Variants in ANP32B observed in about 807,000 individuals in gnomAD.
The protein encoded by ANP32B is acidic nuclear phosphoprotein 32 family member B.
ANP32B carries 6 observed loss-of-function variants against 32.2 expected under a neutral mutation model. The ratio of observed to expected loss-of-function variants is 0.19; its 90% CI spans 0.10 to 0.37. The LOEUF (loss-of-function observed/expected upper bound fraction) is 0.37, where lower values mean the gene tolerates loss of function less well. Ranked by LOEUF, ANP32B falls within the 10% of genes least tolerant of loss-of-function variation. The pLI is 1.00. For synonymous variants in ANP32B, 98 were observed against 105.8 expected (o/e 0.93, Z 0.45); for missense variants, 204 against 289.2 (o/e 0.71, Z 2.14).
intron 2 of ANP32B, among the ~76,000 whole-genome samples, chr9:97,996,768 AT>A (rs879427925): frequency 6.3e-4 from 91 of 144,072 alleles, no homozygotes; most frequent in Admixed American, 7.6e-4. Context: ...TACTTTTTGT[AT>A]TTTTTTTTTT....
chr9:97,998,789 T>C lies in ANP32B; in HGVS notation c.327+111T>C, dbSNP rs1311919022. 2.2e-4 allele frequency: 5 copies of C among 22,980 alleles called. 1 individual carries two copies. Among genetic ancestry groups the C allele is most frequent in the East Asian group, 5.3e-4 (1 of 1,890 alleles). 1.4% of individuals were successfully genotyped at this position (22,980 alleles called of 1,614,324 possible). ...AATAATTGGTTGAGAAAGTGGTGGCTTTTTTTTTTTTTTTTTTTTTTTTTT... is the reference window on the plus strand; with the variant it reads ...AATAATTGGTTGAGAAAGTGGTGGCCTTTTTTTTTTTTTTTTTTTTTTTTT... On this transcript the variant is annotated intron_variant, in intron 3 of 6. Coordinates refer to ENST00000339399, the MANE Select transcript of ANP32B (RefSeq NM_006401.3).
chr9:98,015,711 T>A lies in ANP32B; in HGVS notation c.*280T>A. 1.9e-6 allele frequency: 2 copies of A among 1,072,990 alleles called. No homozygotes were observed. Among genetic ancestry groups the A allele is most frequent in the Non-Finnish European group, 2.3e-6 (2 of 884,270 alleles). 66.5% of individuals were successfully genotyped at this position (1,072,990 alleles called of 1,614,324 possible). On this transcript the variant is annotated 3_prime_UTR_variant, in exon 7 of 7. Transcript: ENST00000339399. ...TTGCTGTAGCGTGGATAGCTGTGAT[T>A]GGTGAGTCAACCGTCTGTGGCTACC...
intron 1 of ANP32B, among the ~76,000 whole-genome samples, chr9:97,989,461 C>T (rs1159944033): frequency 1.3e-5 from 2 of 151,826 alleles, no homozygotes; most frequent in Admixed American, 6.6e-5. Flanking sequence ...TGAATTTGGC[C>T]CCAAAAGTTA....
intron 3 of ANP32B, among the ~76,000 whole-genome samples, chr9:98,000,586 G>T (rs1827973479): frequency 6.6e-6 from 1 of 152,112 alleles, no homozygotes; most frequent in Admixed American, 6.6e-5. Flanking sequence ...TGAGTTTAGA[G>T]AATGTAGATA....
In ANP32B at chr9:98,015,484, A is replaced by G. The variant is rs1828260976; in HGVS notation, c.*53A>G. On this transcript the variant is annotated 3_prime_UTR_variant, in exon 7 of 7. Transcript: ENST00000339399. Reference sequence around the variant, plus strand: ...CTGTTCAGTATTGGTTGGACTGCTCATGGATTTTGTAGCTGTTTAAAAAAA... The same window carrying G: ...CTGTTCAGTATTGGTTGGACTGCTCGTGGATTTTGTAGCTGTTTAAAAAAA... 3.3e-6 allele frequency: 5 copies of G among 1,526,376 alleles called. No homozygotes were observed. The highest frequency in any genetic ancestry group is 2.5e-5 in the South Asian group (2 of 79,816). The allele number at this position is 1,526,376 out of a possible 1,614,324, so 94.6% of individuals were successfully genotyped here.
chr9:98,005,172 T>G lies in ANP32B; in HGVS notation c.517+19T>G. The stretch of plus-strand genomic sequence containing the variant: ...GACGAAGGTGAGTAGGCTCAGCATC[T>G]GGTGAACCTGATGTCTGCCTTTCAA... On this transcript the variant is annotated intron_variant, in intron 4 of 6. Transcript: ENST00000339399. 6.2e-7 allele frequency: 1 copy of G among 1,607,400 alleles called. No homozygotes were observed. The highest frequency in any genetic ancestry group is 8.5e-7 in the Non-Finnish European group (1 of 1,176,472).
At position 97,983,502 on chromosome 9, in the gene ANP32B, C is replaced by G; in HGVS notation, c.-54C>G. On this transcript the variant is annotated 5_prime_UTR_variant, in exon 1 of 7. Transcript: ENST00000339399. ...GCTGCGCAAGCCGGGACGCCTCTCC[C>G]CCCTCCGCCCCCGCCGCGGAAAGTT... 2.0e-6 allele frequency: 3 copies of G among 1,482,836 alleles called. No individual in the cohort carries two copies. Among genetic ancestry groups the G allele is most frequent in the Non-Finnish European group, 2.7e-6 (3 of 1,093,840 alleles). 91.9% of individuals were successfully genotyped at this position (1,482,836 alleles called of 1,614,324 possible). A position where few individuals can be genotyped will look rare whatever the true frequency, so the allele number is the denominator to read the frequency against.
chr9:98,001,247 A>G (rs1246200576), intron 3 of ANP32B, among the ~76,000 whole-genome samples: 1 of 146,042 alleles, frequency 6.8e-6, no homozygotes, highest in Non-Finnish European at 1.5e-5. Flanking sequence ...GCTGGAGTGC[A>G]GTGGCGCCAT....
At chr9:98,011,200 C>A in intron 4 of ANP32B, 71 bp from the exon 5 acceptor site, 2 of 1,506,720 alleles carry the variant, frequency 1.3e-6, no homozygotes, top group South Asian at 1.3e-5. Context: ...AGCCAGCCCA[C>A]AGATCCTCAA....
In ANP32B at chr9:97,989,131, TGACCTAGACTCATCATAACTTAAA is replaced by T; in HGVS notation, c.55-5497_55-5474del. Among the ~76,000 whole-genome samples the T allele has an allele frequency of 1.3e-5, 2 of 152,326 alleles. 1 individual carries two copies. Among genetic ancestry groups the T allele is most frequent in the South Asian group, 4.1e-4 (2 of 4,830 alleles). ...GCTCCAATCCCCAGGGATATTCCCA[TGACCTAGACTCATCATAACTTAAA>T]GAAGGACCTCATAGGCATTTTGCCA... is the stretch of plus-strand genomic sequence containing the variant. On this transcript the variant is annotated intron_variant, in intron 1 of 6. Transcript: ENST00000339399.
intron 4 of ANP32B, among the ~76,000 whole-genome samples, chr9:98,008,687 A>G (rs184534235): frequency 6.6e-6 from 1 of 152,296 alleles, no homozygotes; most frequent in Non-Finnish European, 1.5e-5. Flanking sequence ...TACTGGACAT[A>G]AGCAGCACAC....
At chr9:98,004,240 T>C (rs990152455) in intron 3 of ANP32B, among the ~76,000 whole-genome samples, 9 of 152,172 alleles carry the variant, frequency 5.9e-5, no homozygotes, top group Non-Finnish European at 5.9e-5. Flanking sequence ...AAATGAGGTA[T>C]TGCAACAAAA....
intron 2 of ANP32B, among the ~76,000 whole-genome samples, chr9:97,995,463 G>A (rs1273609997): frequency 1.3e-5 from 2 of 152,188 alleles, no homozygotes; most frequent in Non-Finnish European, 1.5e-5. Context: ...AAGTTAAGTT[G>A]TACCTTTATT....
chr9:98,013,308 T>G lies in ANP32B; in HGVS notation c.688+836T>G, dbSNP rs188065933. ...TCCCAAATTACTCGGATTACAGGTG[T>G]GAGCCACCATGCCTAGCCTGTTCCC... On this transcript the variant is annotated intron_variant, in intron 6 of 6. Transcript: ENST00000339399. Among the ~76,000 whole-genome samples the G allele has an allele frequency of 4.0e-3, 609 of 152,334 alleles. 3 individuals carry two copies. Among genetic ancestry groups the G allele is most frequent in the African/African-American group, 0.013 (559 of 41,570 alleles).
At chr9:97,985,697 T>C (rs1333489618) in intron 1 of ANP32B, among the ~76,000 whole-genome samples, 1 of 152,232 alleles carries the variant, frequency 6.6e-6, no homozygotes, top group Admixed American at 6.5e-5. Flanking sequence ...TTTAAAATTC[T>C]CAAGAGTAGT....
chr9:98,009,061 A>T (rs1355341555), intron 4 of ANP32B, among the ~76,000 whole-genome samples: 2 of 152,210 alleles, frequency 1.3e-5, no homozygotes, highest in African/African-American at 2.4e-5. Flanking sequence ...ATTGCCAGCT[A>T]TAAATAAAAT....
chr9:97,994,678 T>A lies in ANP32B; in HGVS notation c.102T>A (p.Ile34=), dbSNP rs765124629. 27 of 1,610,954 alleles carry A rather than the reference T, an allele frequency of 1.7e-5. No individual in the cohort carries two copies. Among genetic ancestry groups the A allele is most frequent in the Non-Finnish European group, 2.3e-5 (27 of 1,179,338 alleles). Residue 34 remains isoleucine (I), a synonymous_variant, in exon 2 of 7, where the codon ATT becomes ATA. Transcript: ENST00000339399. ...LDNCKSNDGK[I]EGLTAEFVNL... The stretch of plus-strand genomic sequence containing the variant: ...ATTGCAAATCAAATGATGGAAAAAT[T>A]GAGGGCTTAACAGCTGAATTTGTGA...
intron 3 of ANP32B, among the ~76,000 whole-genome samples, chr9:98,001,077 G>T (rs879397444): frequency 6.6e-5 from 10 of 151,880 alleles, no homozygotes; most frequent in Admixed American, 2.0e-4. Flanking sequence ...ATGCTTTCCC[G>T]TTCACATGGG....
intron 1 of ANP32B, among the ~76,000 whole-genome samples, chr9:97,990,644 G>T (rs982639631): frequency 3.3e-5 from 5 of 151,994 alleles, no homozygotes; most frequent in Non-Finnish European, 4.4e-5. Context: ...ACTGGTAGAG[G>T]CAATTAAAGG....
Sources: allele counts gnomAD v4.1 joint callset (sites outside exome capture counted in the v4.1 genomes callset), GRCh38; gene constraint gnomAD v4.1.1; transcripts MANE v1.5; gene names NCBI Gene and HGNC (gene_info 2026-07-23, HGNC 2026-07-21).